The following DAB1 variants were observed in gnomAD, a reference collection of about 807,000 sequenced individuals.
DAB1 encodes the protein disabled homolog 1.
A neutral mutation model predicts 64.6 loss-of-function variants in DAB1; 15 were observed. The observed-to-expected ratio is 0.23, with a 90% CI of 0.16 to 0.36. The LOEUF is 0.36. Ranked by LOEUF, DAB1 falls within the 10% of genes least tolerant of loss-of-function variation. The pLI is 1.00. For synonymous variants in DAB1, 235 were observed against 251.9 expected, an observed-to-expected ratio of 0.93 and a Z score of 0.64; for missense variants, 596 against 706.7, an observed-to-expected ratio of 0.84 and a Z score of 1.78.
At chr1:57,241,862 A>G (rs537630132) in intron 2 of DAB1, among the ~76,000 whole-genome samples, 92 of 152,140 alleles carry the variant, frequency 6.0e-4, no homozygotes, top group Non-Finnish European at 1.2e-3. Flanking sequence ...CCCCATCCAC[A>G]TATCAACACC....
intron 2 of DAB1, among the ~76,000 whole-genome samples, chr1:57,173,585 G>A (rs1036272640): frequency 1.1e-4 from 17 of 152,116 alleles, no homozygotes; most frequent in African/African-American, 3.6e-4. Context: ...TTTTAGATAA[G>A]GGATACTCAA....
At chr1:57,322,927 C>T (rs546416700) in intron 1 of DAB1, among the ~76,000 whole-genome samples, 99 of 152,086 alleles carry the variant, frequency 6.5e-4, no homozygotes, top group Non-Finnish European at 1.2e-3. Context: ...TTCTAAAGAC[C>T]CTCAGGTTTC....
At chr1:58,468,760 A>G (rs906943373) in intron 3 of DAB1, 1 of 153,048 alleles carries the variant, frequency 6.5e-6, no homozygotes, top group Admixed American at 6.5e-5. Flanking sequence ...TCCTCATGCA[A>G]TAGTCATCCA....
chr1:57,720,812 G>A (rs1647141315), intron 6 of DAB1, among the ~76,000 whole-genome samples: 2 of 152,042 alleles, frequency 1.3e-5, no homozygotes, highest in African/African-American at 2.4e-5. Context: ...TTGTCTTACT[G>A]GTGTCTGGTT....
chr1:57,553,382 A>AG (rs1558486850), intron 7 of DAB1, among the ~76,000 whole-genome samples: 3 of 95,782 alleles, frequency 3.1e-5, no homozygotes, highest in South Asian at 3.8e-4. Flanking sequence ...GGAAGGAAGA[A>AG]AGAGAAAGAA....
chr1:58,296,862 T>C (rs561101719), intron 4 of DAB1, among the ~76,000 whole-genome samples: 1 of 152,314 alleles, frequency 6.6e-6, no homozygotes, highest in African/African-American at 2.4e-5. Context: ...CTCCATTATA[T>C]CTTTCAAACA....
intron 5 of DAB1, among the ~76,000 whole-genome samples, chr1:58,076,133 A>G (rs1225858059): frequency 6.6e-6 from 1 of 152,188 alleles, no homozygotes; most frequent in African/African-American, 2.4e-5. Flanking sequence ...AAGTTGATAT[A>G]TAATAATAGT....
intron 7 of DAB1, among the ~76,000 whole-genome samples, chr1:57,610,214 G>A (rs1258583490): frequency 1.3e-5 from 2 of 152,188 alleles, no homozygotes; most frequent in East Asian, 3.8e-4. Flanking sequence ...GAAGTGGAGT[G>A]AATTCATCTT....
chr1:57,686,013 GA>G (rs2101705454), intron 6 of DAB1, among the ~76,000 whole-genome samples: 1 of 151,784 alleles, frequency 6.6e-6, no homozygotes, highest in East Asian at 1.9e-4. Flanking sequence ...AGAAAAAAAA[GA>G]ACCAACCAAC....
At chr1:57,685,296 C>T (rs1303993364) in intron 6 of DAB1, among the ~76,000 whole-genome samples, 2 of 151,344 alleles carry the variant, frequency 1.3e-5, no homozygotes, top group Non-Finnish European at 2.9e-5. Flanking sequence ...TTTAAATTAA[C>T]AACTATTAAG....
rs189786275 is a variant in DAB1 at position 57,562,273 on chromosome 1, T to C, written n.625+87319A>G. Among the ~76,000 whole-genome samples, 870 of 152,286 alleles carry C rather than the reference T, an allele frequency of 5.7e-3. 4 individuals carry two copies. The highest frequency in any genetic ancestry group is 0.013 in the African/African-American group (534 of 41,566). ...CTGTCATCCCAGCTACTTGGGAGGC[T>C]GAGGCAGGGGAATCGCTTGGACCAG... On this transcript the variant is annotated intron_variant and non_coding_transcript_variant, in intron 7 of 20. Transcript: ENST00000485760.
intron 4 of DAB1, among the ~76,000 whole-genome samples, chr1:57,129,867 A>ATTGTAAGCTGACGTAG (rs1657496845): frequency 6.6e-6 from 1 of 152,020 alleles, no homozygotes; most frequent in Non-Finnish European, 1.5e-5. Flanking sequence ...TTAGCATTTC[A>ATTGTAAGCTGACGTAG]TTGTAAGCTG....
intron 5 of DAB1, among the ~76,000 whole-genome samples, chr1:57,999,343 T>C (rs1249627834): frequency 1.3e-5 from 2 of 152,166 alleles, no homozygotes; most frequent in African/African-American, 4.8e-5. Context: ...CAGCAGCTTG[T>C]TAGGAATGCA....
At position 58,247,258 on chromosome 1, in the gene DAB1, T is replaced by TCCC. The variant is rs753824873; in HGVS notation, n.309+96091_309+96093dup. Among the ~76,000 whole-genome samples, 132 of 112,082 alleles carry TCCC rather than the reference T, an allele frequency of 1.2e-3. 1 individual carries two copies. Among genetic ancestry groups the TCCC allele is most frequent in the South Asian group, 0.01 (30 of 2,958 alleles). The allele number at this position is 112,082 out of a possible 152,430, so 73.5% of individuals were successfully genotyped here. On this transcript the variant is annotated intron_variant and non_coding_transcript_variant, in intron 4 of 20. Coordinates refer to the DAB1 transcript ENST00000485760. ...GGGTGTTTACTATTCATTTTTCATT[T>TCCC]CCCCCCCCGCCAGGTTAAATAAATA...
At chr1:58,062,563 C>T (rs1482544490) in intron 5 of DAB1, among the ~76,000 whole-genome samples, 1 of 152,214 alleles carries the variant, frequency 6.6e-6, no homozygotes, top group Non-Finnish European at 1.5e-5. Context: ...TGCTCTGCTG[C>T]TCCACAGAGT....
chr1:58,415,519 C>G (rs185369909), intron 3 of DAB1: 1 of 232,864 alleles, frequency 4.3e-6, no homozygotes, highest in Admixed American at 6.5e-5. Flanking sequence ...TAAGTGGACA[C>G]AGAAATCACA....
Position 57,203,782 on chromosome 1 carries a change from TGAAGG to T in DAB1, c.68-58358_68-58354del, listed in dbSNP as rs1485023590. On this transcript the variant is annotated intron_variant, in intron 2 of 14. Coordinates refer to ENST00000371236, the MANE Select transcript of DAB1 (RefSeq NM_001365792.1). ...TTCTGTCTCTTGGTGCCTATTTGCT[TGAAGG>T]ACATTATGCAAACTGTACCGGTTCC... is the stretch of plus-strand genomic sequence containing the variant. 3.9e-5 allele frequency among the ~76,000 whole-genome samples: 6 copies of T among 152,320 alleles called. No individual in the cohort carries two copies. In the South Asian group the frequency reaches 6.2e-4, roughly 16 times the overall value.
intron 4 of DAB1, among the ~76,000 whole-genome samples, chr1:58,283,212 A>T (rs1262660300): frequency 2.0e-5 from 3 of 150,704 alleles, no homozygotes; most frequent in Non-Finnish European, 2.9e-5. Flanking sequence ...GTCAGTGCGC[A>T]TATGGGTAAA....
At chr1:57,035,549 A>C (rs139451668) in intron 9 of DAB1, among the ~76,000 whole-genome samples, 71 of 152,300 alleles carry the variant, frequency 4.7e-4, no homozygotes, top group African/African-American at 1.6e-3. Flanking sequence ...TGATCTGAGC[A>C]GATGAACAAA....
Sources: gnomAD v4.1 joint callset for allele counts (sites outside exome capture counted in the v4.1 genomes callset) on GRCh38, gnomAD v4.1.1 for gene constraint, MANE v1.5 for transcripts, NCBI Gene and HGNC (gene_info 2026-07-23, HGNC 2026-07-21) for gene names.